NXPE2: variants seen among roughly 807,000 people sequenced by gnomAD.
The protein encoded by NXPE2 is NXPE family member 2.
Under a neutral mutation model 34.4 loss-of-function variants are expected in NXPE2, and 34 were observed. The observed-to-expected ratio is 0.99, with a 90% CI of 0.75 to 1.31. The LOEUF (loss-of-function observed/expected upper bound fraction) is 1.31, where lower values mean the gene tolerates loss of function less well. NXPE2 is among the 40% of genes most tolerant of loss of function. The pLI, the probability that NXPE2 is intolerant of heterozygous loss-of-function variation, is 0.00. For missense variants in NXPE2, 649 were observed against 672.5 expected, an observed-to-expected ratio of 0.97 and a Z score of 0.39; for synonymous variants, 235 against 231.3, an observed-to-expected ratio of 1.02 and a Z score of -0.15.
the NXPE2 span, among the ~76,000 whole-genome samples, chr11:114,807,411 G>T: frequency 3.9e-5 from 6 of 152,168 alleles, no homozygotes; most frequent in Non-Finnish European, 7.3e-5. Context: ...TGGATAAAGA[G>T]TCAAGACCCA....
the NXPE2 span, among the ~76,000 whole-genome samples, chr11:114,630,363 A>G: frequency 1.3e-5 from 2 of 151,798 alleles, no homozygotes; most frequent in Non-Finnish European, 2.9e-5. Context: ...CTCAGAAATA[A>G]CACCACATTT....
chr11:114,588,786 G>T, the NXPE2 span, among the ~76,000 whole-genome samples: 1 of 152,124 alleles, frequency 6.6e-6, no homozygotes. Context: ...TTATGGAAAG[G>T]CTGAAAGAAG....
At chr11:114,574,132 A>G in the NXPE2 span, among the ~76,000 whole-genome samples, 1 of 152,186 alleles carries the variant, frequency 6.6e-6, no homozygotes, top group Non-Finnish European at 1.5e-5. Context: ...CAATAAAATC[A>G]AGATGGAAAT....
the NXPE2 span, among the ~76,000 whole-genome samples, chr11:114,523,416 T>A: frequency 2.6e-5 from 4 of 152,160 alleles, no homozygotes; most frequent in Non-Finnish European, 2.9e-5. Flanking sequence ...CTTTGTCTCT[T>A]ACCCAAATGA....
the NXPE2 span, among the ~76,000 whole-genome samples, chr11:114,778,982 C>T: frequency 6.6e-6 from 1 of 152,206 alleles, no homozygotes; most frequent in Non-Finnish European, 1.5e-5. Context: ...CAAAGTTTAT[C>T]ATTATGCTGG....
At chr11:114,510,584 T>C in the NXPE2 span, among the ~76,000 whole-genome samples, 1 of 152,112 alleles carries the variant, frequency 6.6e-6, no homozygotes, top group Non-Finnish European at 1.5e-5. Context: ...GTGAAAACAA[T>C]AGATGTTTCC....
chr11:114,610,860 G>C, the NXPE2 span, among the ~76,000 whole-genome samples: 1 of 151,896 alleles, frequency 6.6e-6, no homozygotes, highest in East Asian at 1.9e-4. Context: ...GGTAACCACT[G>C]TTCCCCGGGG....
At chr11:114,811,013 T>C in the NXPE2 span, among the ~76,000 whole-genome samples, 2 of 152,020 alleles carry the variant, frequency 1.3e-5, no homozygotes, top group South Asian at 4.2e-4. Context: ...CCATAAAAAA[T>C]GATGAGTTCA....
chr11:114,658,263 G>A, the NXPE2 span, among the ~76,000 whole-genome samples: 7 of 152,174 alleles, frequency 4.6e-5, no homozygotes, highest in South Asian at 1.2e-3. Flanking sequence ...CAGGGGAAGA[G>A]GATGAACTGC....
the NXPE2 span, among the ~76,000 whole-genome samples, chr11:114,632,295 C>T: frequency 7.5e-6 from 1 of 133,756 alleles, no homozygotes; most frequent in African/African-American, 2.7e-5. Context: ...TGTATATTAT[C>T]CACCACCACC....
the NXPE2 span, among the ~76,000 whole-genome samples, chr11:114,764,055 T>C: frequency 6.6e-6 from 1 of 152,152 alleles, no homozygotes; most frequent in East Asian, 1.9e-4. Flanking sequence ...AGCAAGTAGG[T>C]CACTTTATAC....
the NXPE2 span, among the ~76,000 whole-genome samples, chr11:114,744,036 G>T: frequency 6.6e-6 from 1 of 151,290 alleles, no homozygotes; most frequent in Admixed American, 6.6e-5. Context: ...CTCTCTCATT[G>T]CTCTTGGGGT....
the NXPE2 span, among the ~76,000 whole-genome samples, chr11:114,579,747 G>T: frequency 6.6e-6 from 1 of 152,198 alleles, no homozygotes; most frequent in South Asian, 2.1e-4. Flanking sequence ...CAGATAGGAG[G>T]TAGAGAAGTC....
chr11:114,717,286 C>G, the NXPE2 span, among the ~76,000 whole-genome samples: 1 of 152,182 alleles, frequency 6.6e-6, no homozygotes, highest in East Asian at 1.9e-4. Flanking sequence ...AGAACCAGCT[C>G]TCTGGACGTA....
chr11:114,705,652 AG>A, intron 4 of NXPE2, 128 bp from the exon 5 acceptor site: 3 of 542,222 alleles, frequency 5.5e-6, no homozygotes, highest in Non-Finnish European at 9.7e-6. Context: ...TGTGGAAGAG[AG>A]GAAGGCAAAA....
the NXPE2 span, among the ~76,000 whole-genome samples, chr11:114,592,855 C>T: frequency 2.7e-4 from 41 of 152,112 alleles, no homozygotes; most frequent in South Asian, 1.0e-3. Flanking sequence ...GAATAGAGAA[C>T]ACAGAAATGA....
the NXPE2 span, among the ~76,000 whole-genome samples, chr11:114,750,647 C>A: frequency 6.6e-6 from 1 of 152,166 alleles, no homozygotes; most frequent in Non-Finnish European, 1.5e-5. Context: ...AACACTCCAA[C>A]ATTATGTTTT....
chr11:114,638,215 C>A, the NXPE2 span, among the ~76,000 whole-genome samples: 1 of 151,966 alleles, frequency 6.6e-6, no homozygotes, highest in Admixed American at 6.6e-5. Context: ...TCATTCATTT[C>A]GTCTTTCATC....
At chr11:114,502,864 A>C in the NXPE2 span, among the ~76,000 whole-genome samples, 1 of 152,224 alleles carries the variant, frequency 6.6e-6, no homozygotes, top group African/African-American at 2.4e-5. Flanking sequence ...GTTTCTTTTA[A>C]GTTTCCCTGG....
Sources: gnomAD v4.1 joint callset for allele counts (sites outside exome capture counted in the v4.1 genomes callset) on GRCh38, gnomAD v4.1.1 for gene constraint, MANE v1.5 for transcripts, NCBI Gene and HGNC (gene_info 2026-07-23, HGNC 2026-07-21) for gene names.